The following CNTNAP5 variants were observed in gnomAD, a reference collection of about 807,000 sequenced individuals.
The protein encoded by CNTNAP5 is contactin-associated protein-like 5.
CNTNAP5 carries 72 observed loss-of-function variants against 150.2 expected under a neutral mutation model. The ratio of observed to expected loss-of-function variants is 0.48; its 90% CI spans 0.40 to 0.58. CNTNAP5 has a LOEUF of 0.58. CNTNAP5 is among the 20% of genes least tolerant of loss of function. The pLI, the probability that CNTNAP5 is intolerant of heterozygous loss-of-function variation, is 0.00. For synonymous variants in CNTNAP5, 672 were observed against 619.8 expected (o/e 1.08, Z -1.25); for missense variants, 1,636 against 1,626.2 (o/e 1.01, Z -0.10).
At chr2:124,365,280 C>T (rs1375610558) in intron 3 of CNTNAP5, among the ~76,000 whole-genome samples, 1 of 149,456 alleles carries the variant, frequency 6.7e-6, no homozygotes, top group African/African-American at 2.5e-5. Context: ...TATGCCACTG[C>T]ACCTCAGCCT....
intron 10 of CNTNAP5, among the ~76,000 whole-genome samples, chr2:124,557,324 C>T (rs1250134682): frequency 8.1e-6 from 1 of 123,754 alleles, no homozygotes; most frequent in Non-Finnish European, 1.7e-5. Context: ...GTTTTCTCAC[C>T]TCTTAAAAAA....
chr2:124,447,673 T>C (rs1388427429), intron 6 of CNTNAP5, among the ~76,000 whole-genome samples: 1 of 152,114 alleles, frequency 6.6e-6, no homozygotes, highest in Non-Finnish European at 1.5e-5. Context: ...AAGTTTAGAA[T>C]AGAGAAATTT....
intron 19 of CNTNAP5, among the ~76,000 whole-genome samples, chr2:124,856,701 C>A (rs1293470625): frequency 1.3e-5 from 2 of 152,064 alleles, no homozygotes; most frequent in African/African-American, 4.8e-5. Flanking sequence ...AAATGCCTTG[C>A]TACAAGGTAC....
intron 1 of CNTNAP5, among the ~76,000 whole-genome samples, chr2:124,068,663 C>A (rs749372680): frequency 6.6e-6 from 1 of 151,800 alleles, no homozygotes; most frequent in African/African-American, 2.4e-5. Context: ...TCCTTCAACA[C>A]CAGGTAGCAC....
chr2:124,064,069 A>C (rs1682089209), intron 1 of CNTNAP5, among the ~76,000 whole-genome samples: 1 of 152,144 alleles, frequency 6.6e-6, no homozygotes, highest in South Asian at 2.1e-4. Context: ...TTGTAAAAAG[A>C]GGAGAAGTAT....
intron 3 of CNTNAP5, among the ~76,000 whole-genome samples, chr2:124,356,530 T>C (rs1215810513): frequency 4.7e-5 from 7 of 147,636 alleles, no homozygotes; most frequent in Non-Finnish European, 1.0e-4. Flanking sequence ...ATTGTTCAAT[T>C]CCCACCTATG....
At chr2:124,194,712 A>C (rs1017420784) in intron 1 of CNTNAP5, among the ~76,000 whole-genome samples, 1 of 150,560 alleles carries the variant, frequency 6.6e-6, no homozygotes, top group African/African-American at 2.4e-5. Context: ...ATAACATAAT[A>C]TTTTATATAT....
chr2:124,622,674 C>G (rs6753382), intron 12 of CNTNAP5, among the ~76,000 whole-genome samples: 79,463 of 151,740 alleles, frequency 0.52, 21,910 homozygotes, highest in Non-Finnish European at 0.62. Context: ...ATTGGTGTGA[C>G]ACGATATCTC....
intron 3 of CNTNAP5, among the ~76,000 whole-genome samples, chr2:124,380,901 A>G (rs781596144): frequency 6.6e-6 from 1 of 152,208 alleles, no homozygotes; most frequent in Non-Finnish European, 1.5e-5. Context: ...GATATGTGTC[A>G]CGCAAAAAAG....
At chr2:124,812,925 CAG>C (rs1682269254) in intron 19 of CNTNAP5, among the ~76,000 whole-genome samples, 1 of 152,132 alleles carries the variant, frequency 6.6e-6, no homozygotes, top group Non-Finnish European at 1.5e-5. Flanking sequence ...AAATATTTTA[CAG>C]AGTTTGACTT....
At chr2:124,430,986 G>T (rs1692364215) in intron 4 of CNTNAP5, among the ~76,000 whole-genome samples, 2 of 152,104 alleles carry the variant, frequency 1.3e-5, no homozygotes, top group Admixed American at 6.6e-5. Flanking sequence ...TTGAAGGTAG[G>T]TTCCTATAAG....
chr2:124,162,094 C>G (rs961171384), intron 1 of CNTNAP5, among the ~76,000 whole-genome samples: 2 of 152,146 alleles, frequency 1.3e-5, no homozygotes, highest in Non-Finnish European at 2.9e-5. Context: ...CTTGGGCAAG[C>G]TATTTACTCA....
chr2:124,398,823 T>C (rs1263062231), intron 3 of CNTNAP5, among the ~76,000 whole-genome samples: 1 of 152,118 alleles, frequency 6.6e-6, no homozygotes, highest in Non-Finnish European at 1.5e-5. Flanking sequence ...TCAGATTGAT[T>C]AGATGGGAGT....
chr2:124,026,277 C>A (rs1005987393), intron 1 of CNTNAP5, among the ~76,000 whole-genome samples: 1 of 152,134 alleles, frequency 6.6e-6, no homozygotes, highest in Non-Finnish European at 1.5e-5. Flanking sequence ...GGAGTTTTGG[C>A]CTAAGAGTCA....
chr2:124,834,103 CTATTAG>C (rs1303991938), intron 19 of CNTNAP5, among the ~76,000 whole-genome samples: 1 of 152,106 alleles, frequency 6.6e-6, no homozygotes, highest in African/African-American at 2.4e-5. Flanking sequence ...ATGATAGTTA[CTATTAG>C]TATTATTCCA....
At chr2:124,750,982 CAAAAAAAAA>C (rs745635606) in intron 14 of CNTNAP5, among the ~76,000 whole-genome samples, 3 of 75,470 alleles carry the variant, frequency 4.0e-5, no homozygotes, top group African/African-American at 1.6e-4. Context: ...GACTCCATCT[CAAAAAAAAA>C]AAAAAAAAAA....
intron 3 of CNTNAP5, among the ~76,000 whole-genome samples, chr2:124,300,189 A>C (rs894017685): frequency 6.6e-6 from 1 of 152,208 alleles, no homozygotes; most frequent in African/African-American, 2.4e-5. Flanking sequence ...AAAATCTATG[A>C]GTATCCACCT....
At chr2:124,838,815 T>C (rs1573651758) in intron 19 of CNTNAP5, among the ~76,000 whole-genome samples, 1 of 152,148 alleles carries the variant, frequency 6.6e-6, no homozygotes, top group East Asian at 1.9e-4. Flanking sequence ...TCTTCCTCTA[T>C]TCTTACTTAA....
chr2:124,811,961 TA>T (rs1328437305), intron 19 of CNTNAP5, among the ~76,000 whole-genome samples: 1 of 116,976 alleles, frequency 8.5e-6, no homozygotes, highest in African/African-American at 3.2e-5. Context: ...TATATATATA[TA>T]TTTTTTATAA....
Sources: allele counts gnomAD v4.1 joint callset (sites outside exome capture counted in the v4.1 genomes callset), GRCh38; gene constraint gnomAD v4.1.1; transcripts MANE v1.5; gene names NCBI Gene and HGNC (gene_info 2026-07-23, HGNC 2026-07-21).